Variants in KLF15 observed in about 807,000 individuals in gnomAD.
The protein encoded by KLF15 is Krueppel-like factor 15.
In KLF15, 4 loss-of-function variants were observed where a neutral mutation model predicts 24.6. That is an observed-to-expected ratio of 0.16 (90% CI 0.08 to 0.37). The LOEUF (loss-of-function observed/expected upper bound fraction) is 0.37. Ranked by LOEUF, KLF15 falls within the 10% of genes least tolerant of loss-of-function variation. The probability of loss-of-function intolerance (pLI) is 1.00; values close to 1 mark genes in which losing one functional copy is unlikely to be tolerated. For missense variants in KLF15, 496 were observed against 560.6 expected, an observed-to-expected ratio of 0.88 and a Z score of 1.16; for synonymous variants, 246 against 236.3, an observed-to-expected ratio of 1.04 and a Z score of -0.37.
the KLF15 span, among the ~76,000 whole-genome samples, chr3:126,300,699 A>G: frequency 6.6e-6 from 1 of 152,300 alleles, no homozygotes; most frequent in Admixed American, 6.5e-5. Flanking sequence ...GGCTGCAGCG[A>G]CTTCCTCCAC....
chr3:126,323,491 T>TAAC, the KLF15 span, among the ~76,000 whole-genome samples: 19 of 23,226 alleles, frequency 8.2e-4, 1 homozygote, highest in African/African-American at 1.4e-3. Context: ...ATATATAACA[T>TAAC]ATATATATAT....
At chr3:126,309,860 G>A in the KLF15 span, among the ~76,000 whole-genome samples, 3 of 152,250 alleles carry the variant, frequency 2.0e-5, no homozygotes, top group Non-Finnish European at 4.4e-5. Flanking sequence ...GTGCCCAGGA[G>A]CCAACGGAGA....
the KLF15 span, among the ~76,000 whole-genome samples, chr3:126,322,415 C>A: frequency 6.6e-6 from 1 of 152,166 alleles, no homozygotes; most frequent in Non-Finnish European, 1.5e-5. Context: ...ATCCTCAGAG[C>A]CACAGCTTGG....
chr3:126,306,246 G>T, the KLF15 span, among the ~76,000 whole-genome samples: 35 of 152,210 alleles, frequency 2.3e-4, no homozygotes, highest in African/African-American at 8.2e-4. Flanking sequence ...CCCAGGGGTG[G>T]ACTTTCCTTT....
At chr3:126,290,696 G>T in the KLF15 span, 1 of 152,160 alleles carries the variant, frequency 6.6e-6, no homozygotes, top group Non-Finnish European at 1.5e-5. Context: ...TTTTCTCCTA[G>T]AACTCTCACA....
At chr3:126,309,052 CA>C in the KLF15 span, among the ~76,000 whole-genome samples, 1 of 152,180 alleles carries the variant, frequency 6.6e-6, no homozygotes, top group Non-Finnish European at 1.5e-5. Context: ...GGAGAGCAGG[CA>C]TCAAAGGTGA....
chr3:126,328,792 C>A, the KLF15 span, among the ~76,000 whole-genome samples: 1 of 152,108 alleles, frequency 6.6e-6, no homozygotes, highest in Non-Finnish European at 1.5e-5. Context: ...TTTCATTTTT[C>A]TGCATATTTA....
At chr3:126,302,442 G>A in the KLF15 span, among the ~76,000 whole-genome samples, 2 of 67,658 alleles carry the variant, frequency 3.0e-5, no homozygotes, top group Non-Finnish European at 8.9e-5. Context: ...CTGATTTTCT[G>A]TTTATTTCTT....
downstream of KLF15, among the ~76,000 whole-genome samples, chr3:126,341,746 C>A (rs905003437): frequency 3.3e-5 from 5 of 152,220 alleles, no homozygotes; most frequent in Non-Finnish European, 7.3e-5. Flanking sequence ...GCCCTACCCC[C>A]AGCCTCCAGA....
the KLF15 span, among the ~76,000 whole-genome samples, chr3:126,288,699 G>C: frequency 2.6e-5 from 4 of 152,232 alleles, no homozygotes; most frequent in African/African-American, 9.6e-5. Flanking sequence ...TCATTGTCCT[G>C]GACACACAGT....
the KLF15 span, among the ~76,000 whole-genome samples, chr3:126,323,473 T>TAACA: frequency 1.5e-5 from 1 of 64,622 alleles, no homozygotes; most frequent in African/African-American, 7.8e-5. Context: ...CATATATATG[T>TAACA]TATATATATA....
chr3:126,313,547 T>C, the KLF15 span, among the ~76,000 whole-genome samples: 1 of 152,224 alleles, frequency 6.6e-6, no homozygotes, highest in Non-Finnish European at 1.5e-5. Context: ...ACCTAGTGTT[T>C]CTGGGCCCTG....
the KLF15 span, among the ~76,000 whole-genome samples, chr3:126,311,162 C>T: frequency 1.3e-5 from 2 of 152,196 alleles, no homozygotes; most frequent in East Asian, 3.9e-4. Flanking sequence ...CTTCAAGGCA[C>T]GTTGGCCACT....
intron 1 of KLF15, 77 bp from the exon 2 acceptor site, chr3:126,353,024 C>T (rs2082599892): frequency 3.4e-6 from 5 of 1,455,116 alleles, no homozygotes; most frequent in Admixed American, 2.6e-5. Flanking sequence ...TGACCCCACC[C>T]TCAGCTGCCT....
At chr3:126,350,462 T>C (rs2082574011) in intron 2 of KLF15, among the ~76,000 whole-genome samples, 1 of 152,148 alleles carries the variant, frequency 6.6e-6, no homozygotes, top group Non-Finnish European at 1.5e-5. Flanking sequence ...AAAATTCCCT[T>C]CTCTGGCCAG....
chr3:126,335,463 TATC>T, the KLF15 span, among the ~76,000 whole-genome samples: 5 of 146,938 alleles, frequency 3.4e-5, no homozygotes, highest in East Asian at 1.0e-3. Context: ...CCACAGCCAA[TATC>T]ATACTGAATG....
downstream of KLF15, among the ~76,000 whole-genome samples, chr3:126,338,272 T>C (rs888203209): frequency 6.6e-6 from 1 of 152,216 alleles, no homozygotes; most frequent in African/African-American, 2.4e-5. Context: ...TGTCCTCTGA[T>C]GGGCAGTGGT....
At chr3:126,296,039 C>T in the KLF15 span, among the ~76,000 whole-genome samples, 169 of 152,268 alleles carry the variant, frequency 1.1e-3, 1 homozygote, top group Middle Eastern at 0.024. Flanking sequence ...TGTCCCTGTA[C>T]GTATCACAAT....
chr3:126,333,607 A>G, the KLF15 span, among the ~76,000 whole-genome samples: 2 of 148,636 alleles, frequency 1.3e-5, no homozygotes, highest in African/African-American at 2.5e-5. Flanking sequence ...AAATTCTCCA[A>G]TTAAAAGACA....
Sources: allele counts gnomAD v4.1 joint callset (sites outside exome capture counted in the v4.1 genomes callset), GRCh38; gene constraint gnomAD v4.1.1; transcripts MANE v1.5; gene names NCBI Gene and HGNC (gene_info 2026-07-23, HGNC 2026-07-21).